HOOK3: variants seen among roughly 807,000 people sequenced by gnomAD.
The protein encoded by HOOK3 is hook microtubule tethering protein 3, also known as protein Hook homolog 3.
In HOOK3, 24 loss-of-function variants were observed where a neutral mutation model predicts 116.3. The ratio of observed to expected loss-of-function variants is 0.21; its 90% CI spans 0.15 to 0.29. The LOEUF (loss-of-function observed/expected upper bound fraction) is 0.29, where lower values mean the gene tolerates loss of function less well. Among genes scored for constraint, HOOK3 ranks in the 10% least tolerant of loss-of-function variants. The pLI is 1.00. For missense variants in HOOK3, 632 were observed against 830.2 expected, an observed-to-expected ratio of 0.76 and a Z score of 2.93; for synonymous variants, 275 against 283.0, an observed-to-expected ratio of 0.97 and a Z score of 0.28.
At chr8:42,907,569 G>A (rs1448210541) in intron 2 of HOOK3, among the ~76,000 whole-genome samples, 4 of 152,046 alleles carry the variant, frequency 2.6e-5, no homozygotes, top group Admixed American at 6.6e-5. Flanking sequence ...TGTCTAGAAC[G>A]TTTCACTCTA....
rs1810001071 is a variant in HOOK3, at chr8:43,030,022, TTATA to T, written c.*11525_*11528del. ...TTTTTCAGAATTTCATTCTTTGTCA[TTATA>T]ATCCAAAAACAATGTCCACATCAGA... On this transcript the variant is annotated 3_prime_UTR_variant, in exon 22 of 22. Coordinates refer to ENST00000307602, the MANE Select transcript of HOOK3 (RefSeq NM_032410.4). 1.4e-5 allele frequency: 3 copies of T among 213,118 alleles called. No homozygotes were observed. In the South Asian group the frequency reaches 5.6e-4, roughly 40 times the overall value. 13.2% of individuals were successfully genotyped at this position (213,118 alleles called of 1,614,324 possible). A position where few individuals can be genotyped will look rare whatever the true frequency, so the allele number is the denominator to read the frequency against.
chr8:42,974,516 G>A (rs1427597069), intron 13 of HOOK3, among the ~76,000 whole-genome samples: 1 of 152,044 alleles, frequency 6.6e-6, no homozygotes, highest in Non-Finnish European at 1.5e-5. Context: ...TGGGATTATA[G>A]GCGTGAGCCA....
chr8:42,905,890 A>G (rs1340536374), intron 1 of HOOK3, among the ~76,000 whole-genome samples: 1 of 151,918 alleles, frequency 6.6e-6, no homozygotes, highest in Non-Finnish European at 1.5e-5. Context: ...GTACAAGACC[A>G]GCCTGGCCAA....
In HOOK3 at chr8:43,019,361, T is replaced by C. The variant is rs1221188262; in HGVS notation, c.*863T>C. 4.7e-6 allele frequency: 1 copy of C among 214,450 alleles called. No individual in the cohort carries two copies. The highest frequency in any genetic ancestry group is 9.4e-6 in the Non-Finnish European group (1 of 106,428). 13.3% of individuals were successfully genotyped at this position (214,450 alleles called of 1,614,324 possible). ...AGTTGCTTTCCACATCTAAAAGAGT[T>C]ATCTTTCATATATGTACAAGTTATT... On this transcript the variant is annotated 3_prime_UTR_variant, in exon 22 of 22. Transcript: ENST00000307602.
intron 2 of HOOK3, among the ~76,000 whole-genome samples, chr8:42,919,619 C>T (rs1213508150): frequency 2.6e-5 from 4 of 152,150 alleles, no homozygotes; most frequent in Non-Finnish European, 1.5e-5. Flanking sequence ...TGTAGCCAGC[C>T]GAGATTACGC....
At chr8:42,989,416 G>A (rs921570011) in intron 15 of HOOK3, among the ~76,000 whole-genome samples, 8 of 152,146 alleles carry the variant, frequency 5.3e-5, no homozygotes, top group Admixed American at 4.6e-4. Flanking sequence ...AACCCCATGA[G>A]GTAGGCATTA....
chr8:43,011,047 C>T lies in HOOK3; in HGVS notation c.1839+642C>T, dbSNP rs554751498. ...TCGCTCTGTCGCCCAGGCTGGAGTA[C>T]AGTGGCACGATCTTGGCTCACTGCA... On this transcript the variant is annotated intron_variant, in intron 19 of 21. Coordinates refer to ENST00000307602, the MANE Select transcript of HOOK3 (RefSeq NM_032410.4). Among the ~76,000 whole-genome samples, 27 of 151,790 alleles carry T rather than the reference C, an allele frequency of 1.8e-4. No individual in the cohort carries two copies. The South Asian group carries it at 5.6e-3, about 32-fold the overall frequency.
rs1024544159 is a variant in HOOK3, at chr8:43,012,948, A to G, written c.1840-103A>G. 8.9e-5 allele frequency: 67 copies of G among 753,004 alleles called. No individual in the cohort carries two copies. The South Asian group carries it at 1.1e-3, about 13-fold the overall frequency. The allele number at this position is 753,004 out of a possible 1,614,324, so 46.6% of individuals were successfully genotyped here. A position where few individuals can be genotyped will look rare whatever the true frequency, so the allele number is the denominator to read the frequency against. ...CTTGTAAGATAACCTTTGATTTTTC[A>G]TAAGTTTATCCTTTTATTTTAAAAA... On this transcript the variant is annotated intron_variant, in intron 19 of 21. Transcript: ENST00000307602.
intron 14 of HOOK3, among the ~76,000 whole-genome samples, chr8:42,984,276 G>A (rs1416082684): frequency 6.6e-6 from 1 of 151,660 alleles, no homozygotes; most frequent in Non-Finnish European, 1.5e-5. Context: ...GGTGAGGTAG[G>A]AGAATCACTT....
At chr8:42,918,136 G>A (rs1446972182) in intron 2 of HOOK3, among the ~76,000 whole-genome samples, 2 of 152,152 alleles carry the variant, frequency 1.3e-5, no homozygotes, top group African/African-American at 4.8e-5. Flanking sequence ...TTAGGAGTTC[G>A]AGACCAGCCT....
At chr8:42,950,116 T>C (rs954184702) in intron 5 of HOOK3, among the ~76,000 whole-genome samples, 3 of 152,210 alleles carry the variant, frequency 2.0e-5, no homozygotes, top group Non-Finnish European at 2.9e-5. Context: ...TCGTTTTACA[T>C]TGGCACATAC....
intron 1 of HOOK3, among the ~76,000 whole-genome samples, chr8:42,901,786 A>G (rs1018924572): frequency 6.6e-5 from 10 of 152,136 alleles, no homozygotes; most frequent in African/African-American, 1.9e-4. Context: ...ATCTCGGCTC[A>G]CTGCAACCTC....
At chr8:42,965,328 C>CGTGTGT (rs397720053) in intron 9 of HOOK3, among the ~76,000 whole-genome samples, 4 of 151,066 alleles carry the variant, frequency 2.6e-5, no homozygotes, top group African/African-American at 9.7e-5. Context: ...AATCTATATA[C>CGTGTGT]GTGTGTGTGT....
At chr8:42,935,180 T>G (rs1437720776) in intron 4 of HOOK3, among the ~76,000 whole-genome samples, 1 of 152,260 alleles carries the variant, frequency 6.6e-6, no homozygotes, top group Non-Finnish European at 1.5e-5. Context: ...ATTGGCCATA[T>G]AAATGTCTTC....
chr8:42,934,236 C>T (rs1425926879), intron 4 of HOOK3, among the ~76,000 whole-genome samples: 1 of 151,972 alleles, frequency 6.6e-6, no homozygotes, highest in Admixed American at 6.6e-5. Context: ...CTTCTTCTAG[C>T]TTGCCTGTTG....
chr8:42,904,804 CG>C (rs753263102), intron 1 of HOOK3, among the ~76,000 whole-genome samples: 1 of 152,168 alleles, frequency 6.6e-6, no homozygotes, highest in Non-Finnish European at 1.5e-5. Flanking sequence ...TACCCCTACT[CG>C]ATCTGTACCA....
chr8:42,973,780 T>G (rs1808768845), intron 12 of HOOK3, among the ~76,000 whole-genome samples: 1 of 152,234 alleles, frequency 6.6e-6, no homozygotes, highest in Non-Finnish European at 1.5e-5. Flanking sequence ...TCATGATTTA[T>G]GAATATTTAT....
intron 7 of HOOK3, among the ~76,000 whole-genome samples, chr8:42,958,690 G>T: frequency 7.0e-6 from 1 of 142,558 alleles, no homozygotes; most frequent in Non-Finnish European, 1.5e-5. Flanking sequence ...GTGGTTTGCT[G>T]TACCTATCAA....
Position 43,027,430 on chromosome 8 carries a change from T to TGAGAGACATGCTTTTAAAG in HOOK3, c.*8933_*8951dup. 1 of 477,490 alleles carries TGAGAGACATGCTTTTAAAG rather than the reference T, an allele frequency of 2.1e-6. No individual in the cohort carries two copies. The highest frequency in any genetic ancestry group is 4.1e-6 in the Non-Finnish European group (1 of 243,782). 29.6% of individuals were successfully genotyped at this position (477,490 alleles called of 1,614,324 possible). On this transcript the variant is annotated 3_prime_UTR_variant, in exon 22 of 22. Transcript: ENST00000307602. ...TTCTGTCATTTGTTCTGTTTGTAGA[T>TGAGAGACATGCTTTTAAAG]GAGAGACATGCTTTTAAAGTACAAA...
Sources: allele counts gnomAD v4.1 joint callset (sites outside exome capture counted in the v4.1 genomes callset), GRCh38; gene constraint gnomAD v4.1.1; transcripts MANE v1.5; gene names NCBI Gene and HGNC (gene_info 2026-07-23, HGNC 2026-07-21).